Variants in CSMD1 observed in about 807,000 individuals in gnomAD.
CSMD1 encodes the protein CUB and Sushi multiple domains 1.
A neutral mutation model predicts 417.5 loss-of-function variants in CSMD1; 213 were observed. The ratio of observed to expected loss-of-function variants is 0.51; its 90% CI spans 0.46 to 0.57. The LOEUF (loss-of-function observed/expected upper bound fraction) is 0.57. Ranked by LOEUF, CSMD1 falls within the 20% of genes least tolerant of loss-of-function variation. CSMD1 has a pLI of 0.00. For synonymous variants in CSMD1, 2,862 were observed against 1,736.8 expected (o/e 1.65, Z -16.11); for missense variants, 6,923 against 4,529.7 (o/e 1.53, Z -15.17).
intron 16 of CSMD1, among the ~76,000 whole-genome samples, 151 bp from the exon 17 acceptor site, chr8:3,396,532 T>C (rs1431494731): frequency 6.6e-6 from 1 of 152,160 alleles, no homozygotes; most frequent in Non-Finnish European, 1.5e-5. Flanking sequence ...TGGGTACAAA[T>C]ATAAGGATAG....
At chr8:3,359,410 T>G in intron 20 of CSMD1, 70 bp from the exon 21 acceptor site, 1 of 918,748 alleles carries the variant, frequency 1.1e-6, no homozygotes. Flanking sequence ...ATAGCAAGAA[T>G]AAAAAGTGCT....
At chr8:3,056,090 A>G (rs910563610) in intron 49 of CSMD1, among the ~76,000 whole-genome samples, 12 of 152,228 alleles carry the variant, frequency 7.9e-5, no homozygotes, top group African/African-American at 2.4e-4. Flanking sequence ...TTACTTATTT[A>G]TTTGCAAATA....
At chr8:4,168,295 G>T (rs1797570060) in intron 3 of CSMD1, among the ~76,000 whole-genome samples, 1 of 151,928 alleles carries the variant, frequency 6.6e-6, no homozygotes, top group Non-Finnish European at 1.5e-5. Flanking sequence ...ACAGGAGGCT[G>T]AGGCAGAAAG....
At chr8:4,675,675 T>A (rs779941324) in intron 1 of CSMD1, among the ~76,000 whole-genome samples, 33 of 152,214 alleles carry the variant, frequency 2.2e-4, no homozygotes, top group Non-Finnish European at 4.6e-4. Context: ...ATTGAGCTGT[T>A]TAAGTAAAAA....
At chr8:3,792,478 A>C (rs775066898) in intron 5 of CSMD1, among the ~76,000 whole-genome samples, 3 of 152,138 alleles carry the variant, frequency 2.0e-5, no homozygotes, top group African/African-American at 7.2e-5. Flanking sequence ...TTTTTGCCTT[A>C]AATGCCAAAG....
chr8:4,340,622 T>G (rs1241997073), intron 3 of CSMD1, among the ~76,000 whole-genome samples: 1 of 152,126 alleles, frequency 6.6e-6, no homozygotes, highest in African/African-American at 2.4e-5. Context: ...CTGCGCCTCC[T>G]CTGCCAATGA....
At chr8:4,626,817 G>C (rs1322214662) in intron 2 of CSMD1, among the ~76,000 whole-genome samples, 1 of 152,148 alleles carries the variant, frequency 6.6e-6, no homozygotes, top group Non-Finnish European at 1.5e-5. Context: ...TTCTGTTCTA[G>C]TTAATACTCC....
At chr8:4,040,142 A>T (rs999123886) in intron 3 of CSMD1, among the ~76,000 whole-genome samples, 2 of 152,200 alleles carry the variant, frequency 1.3e-5, no homozygotes, top group African/African-American at 4.8e-5. Context: ...AGGGTATGAG[A>T]GTCAAGGCTA....
intron 5 of CSMD1, among the ~76,000 whole-genome samples, chr8:3,779,070 C>T (rs1799039816): frequency 6.6e-6 from 1 of 151,932 alleles, no homozygotes. Context: ...TCCTGTTCTC[C>T]TCTAAATGGA....
intron 49 of CSMD1, among the ~76,000 whole-genome samples, chr8:3,066,862 G>C (rs1344354177): frequency 6.6e-6 from 1 of 152,180 alleles, no homozygotes. Flanking sequence ...TGAAGTGTCA[G>C]AGTTATTAAC....
At chr8:3,854,044 T>C (rs1804116217) in intron 5 of CSMD1, among the ~76,000 whole-genome samples, 1 of 145,782 alleles carries the variant, frequency 6.9e-6, no homozygotes, top group Non-Finnish European at 1.5e-5. Context: ...TATAATATAC[T>C]AAAGTATATG....
At chr8:4,446,874 G>A (rs1046812123) in intron 2 of CSMD1, among the ~76,000 whole-genome samples, 1 of 151,172 alleles carries the variant, frequency 6.6e-6, no homozygotes, top group African/African-American at 2.4e-5. Flanking sequence ...ACCCGCCTTG[G>A]CCTCCCAATG....
chr8:4,008,570 C>T (rs1241560379), intron 4 of CSMD1, among the ~76,000 whole-genome samples: 2 of 144,490 alleles, frequency 1.4e-5, no homozygotes, highest in East Asian at 4.1e-4. Context: ...TAGCACACAA[C>T]ACATGATTCA....
At chr8:3,614,292 T>A (rs557226288) in intron 8 of CSMD1, among the ~76,000 whole-genome samples, 12 of 152,114 alleles carry the variant, frequency 7.9e-5, no homozygotes, top group Non-Finnish European at 1.8e-4. Context: ...AGAAACCTTA[T>A]CTATATTCTT....
intron 5 of CSMD1, among the ~76,000 whole-genome samples, chr8:3,838,147 T>C (rs764842397): frequency 2.0e-5 from 3 of 152,086 alleles, no homozygotes; most frequent in Non-Finnish European, 2.9e-5. Context: ...CAGAGTCCTA[T>C]ACTAAGTATT....
chr8:3,799,105 T>A (rs971427036), intron 5 of CSMD1, among the ~76,000 whole-genome samples: 5 of 152,130 alleles, frequency 3.3e-5, no homozygotes, highest in African/African-American at 1.2e-4. Flanking sequence ...TTTATTATCC[T>A]CAATTTGCTA....
At chr8:4,492,352 A>G (rs945477372) in intron 2 of CSMD1, among the ~76,000 whole-genome samples, 6 of 152,332 alleles carry the variant, frequency 3.9e-5, no homozygotes, top group Admixed American at 3.3e-4. Flanking sequence ...ATTTAAACAC[A>G]TATTACTAAG....
At chr8:2,952,432 G>C (rs996896975) in intron 65 of CSMD1, among the ~76,000 whole-genome samples, 2 of 152,104 alleles carry the variant, frequency 1.3e-5, no homozygotes, top group African/African-American at 4.8e-5. Context: ...CAAGAGAAGG[G>C]TTAAAGAGGA....
At chr8:3,937,829 A>T (rs929182755) in intron 5 of CSMD1, among the ~76,000 whole-genome samples, 1 of 152,296 alleles carries the variant, frequency 6.6e-6, no homozygotes. Flanking sequence ...AGGAAATTTT[A>T]TGATTTAAAG....
Sources: gnomAD v4.1 joint callset for allele counts (sites outside exome capture counted in the v4.1 genomes callset) on GRCh38, gnomAD v4.1.1 for gene constraint, MANE v1.5 for transcripts, NCBI Gene and HGNC (gene_info 2026-07-23, HGNC 2026-07-21) for gene names.